The following NEK10 variants were observed in gnomAD, a reference collection of about 807,000 sequenced individuals.
NEK10 encodes NIMA related kinase 10, also known as serine/threonine-protein kinase Nek10.
Under a neutral mutation model 159.8 loss-of-function variants are expected in NEK10, and 122 were observed. The observed-to-expected ratio is 0.76, with a 90% CI of 0.66 to 0.89. The LOEUF (loss-of-function observed/expected upper bound fraction) is 0.89, where lower values mean the gene tolerates loss of function less well. Among genes scored for constraint, NEK10 ranks in the 40% least tolerant of loss-of-function variants. The pLI is 0.00. For synonymous variants in NEK10, 466 were observed against 457.1 expected, an observed-to-expected ratio of 1.02 and a Z score of -0.25; for missense variants, 1,342 against 1,323.1, an observed-to-expected ratio of 1.01 and a Z score of -0.22.
chr3:27,305,088 G>T (rs2149558052), intron 11 of NEK10, 117 bp from the exon 12 acceptor site: 1 of 673,288 alleles, frequency 1.5e-6, no homozygotes, highest in East Asian at 2.7e-5. Flanking sequence ...TGTAAGTCAT[G>T]GGTCAATGTG....
At chr3:27,120,920 G>T (rs1941217061) in intron 32 of NEK10, among the ~76,000 whole-genome samples, 1 of 152,078 alleles carries the variant, frequency 6.6e-6, no homozygotes, top group African/African-American at 2.4e-5. Flanking sequence ...CAGAAAAAAT[G>T]GCATAATTTG....
intron 6 of NEK10, 90 bp from the exon 7 acceptor site, chr3:27,314,428 T>C (rs2044986306): frequency 3.8e-6 from 3 of 779,934 alleles, no homozygotes; most frequent in East Asian, 2.7e-5. Flanking sequence ...TAAGTTGTCA[T>C]ATTTATAATT....
At chr3:27,260,416 G>A (rs1157246590) in intron 22 of NEK10, among the ~76,000 whole-genome samples, 6 of 152,162 alleles carry the variant, frequency 3.9e-5, no homozygotes, top group African/African-American at 1.4e-4. Context: ...TTTATTGAGA[G>A]TTTTTAGCAT....
intron 22 of NEK10, among the ~76,000 whole-genome samples, chr3:27,272,317 C>T (rs2041429766): frequency 6.6e-6 from 1 of 152,150 alleles, no homozygotes; most frequent in Admixed American, 6.5e-5. Context: ...CCCAGTCAAC[C>T]AGATGGCATC....
Position 27,174,746 on chromosome 3 carries a change from G to T in NEK10, c.2593C>A (p.Pro865Thr). The change falls in exon 27 of 36, where the codon CCT becomes ACT. Residue 865 changes from proline to threonine, a missense_variant. Transcript: ENST00000691995. Reference sequence around the variant, plus strand: ...CCATAGGAGGCCTGGAAGCCTTCAGGGGGCAGGTCTGCGCTTTCTGAAAGT... The same window carrying T: ...CCATAGGAGGCCTGGAAGCCTTCAGTGGGCAGGTCTGCGCTTTCTGAAAGT... ...SELSESADLPPEGFQASYGKD... is the reference protein window; with the variant it reads ...SELSESADLPTEGFQASYGKD... The T allele has an allele frequency of 6.2e-7, 1 of 1,613,618 alleles. No homozygotes were observed. The highest frequency in any genetic ancestry group is 1.7e-5 in the Admixed American group (1 of 59,940).
chr3:27,259,795 T>C (rs1189463597), intron 22 of NEK10, among the ~76,000 whole-genome samples: 1 of 152,208 alleles, frequency 6.6e-6, no homozygotes, highest in African/African-American at 2.4e-5. Context: ...ATTGAACCTA[T>C]AAATTACCTT....
intron 29 of NEK10, among the ~76,000 whole-genome samples, chr3:27,170,765 T>C (rs1946909512): frequency 6.6e-6 from 1 of 152,028 alleles, no homozygotes; most frequent in Non-Finnish European, 1.5e-5. Flanking sequence ...TAAAGTATAT[T>C]TCTTCCTTAA....
chr3:27,143,347 T>A, intron 30 of NEK10: 2 of 594,090 alleles, frequency 3.4e-6, no homozygotes, highest in Non-Finnish European at 6.0e-6. Context: ...AGTTTATAGA[T>A]TCATAGATTT....
chr3:27,170,530 GAT>G (rs1457678175), intron 29 of NEK10, among the ~76,000 whole-genome samples: 2 of 152,088 alleles, frequency 1.3e-5, no homozygotes, highest in Non-Finnish European at 2.9e-5. Context: ...TCAGGAGTTC[GAT>G]ACCAGCCTGG....
intron 23 of NEK10, among the ~76,000 whole-genome samples, chr3:27,251,266 C>T (rs1425374321): frequency 6.6e-6 from 1 of 152,166 alleles, no homozygotes; most frequent in Non-Finnish European, 1.5e-5. Flanking sequence ...CTGTCAATAC[C>T]ATGGTCTTTT....
intron 23 of NEK10, among the ~76,000 whole-genome samples, chr3:27,218,105 G>A (rs1951712251): frequency 1.3e-5 from 2 of 152,226 alleles, no homozygotes; most frequent in Non-Finnish European, 2.9e-5. Flanking sequence ...TGACTACTGT[G>A]TAGATAGAGC....
chr3:27,218,060 C>T (rs188507518), intron 23 of NEK10, among the ~76,000 whole-genome samples: 187 of 152,252 alleles, frequency 1.2e-3, no homozygotes, highest in Non-Finnish European at 2.2e-3. Flanking sequence ...CACTGAGATA[C>T]CATGACAGTT....
chr3:27,256,814 T>C (rs941038464), intron 22 of NEK10, among the ~76,000 whole-genome samples: 1 of 152,060 alleles, frequency 6.6e-6, no homozygotes, highest in South Asian at 2.1e-4. Flanking sequence ...ATCAACAACA[T>C]ATTCTGATTT....
At chr3:27,313,517 G>A (rs1055347609) in intron 7 of NEK10, among the ~76,000 whole-genome samples, 3 of 151,984 alleles carry the variant, frequency 2.0e-5, no homozygotes, top group Non-Finnish European at 2.9e-5. Flanking sequence ...ATCTTGCCAG[G>A]CCCAGTGGCA....
intron 23 of NEK10, among the ~76,000 whole-genome samples, chr3:27,219,086 A>C (rs1951840681): frequency 6.6e-6 from 1 of 152,240 alleles, no homozygotes; most frequent in South Asian, 2.1e-4. Flanking sequence ...CTGCCTCTTT[A>C]AAATGAACTC....
At chr3:27,113,435 CAAAAAAAAAA>C (rs3034425) in intron 35 of NEK10, among the ~76,000 whole-genome samples, 2 of 81,514 alleles carry the variant, frequency 2.5e-5, no homozygotes, top group South Asian at 5.6e-4. Flanking sequence ...GATTCCATCT[CAAAAAAAAAA>C]AAAAAAAAAA....
chr3:27,204,275 CT>C (rs1203026508), intron 23 of NEK10, among the ~76,000 whole-genome samples: 8,931 of 64,464 alleles, frequency 0.14, 432 homozygotes, highest in African/African-American at 0.31. Flanking sequence ...GATAAATTTT[CT>C]TTTTTTTTTT....
intron 22 of NEK10, among the ~76,000 whole-genome samples, chr3:27,278,037 A>C (rs1326285948): frequency 6.6e-6 from 1 of 152,238 alleles, no homozygotes; most frequent in African/African-American, 2.4e-5. Flanking sequence ...GGCTTTGCCT[A>C]AATGGAACAA....
At chr3:27,207,508 C>G (rs1157820234) in intron 23 of NEK10, among the ~76,000 whole-genome samples, 1 of 152,050 alleles carries the variant, frequency 6.6e-6, no homozygotes, top group Non-Finnish European at 1.5e-5. Context: ...GTTTGGGACA[C>G]AGTGAGGGCT....
Sources: allele counts gnomAD v4.1 joint callset (sites outside exome capture counted in the v4.1 genomes callset), GRCh38; gene constraint gnomAD v4.1.1; transcripts MANE v1.5; gene names NCBI Gene and HGNC (gene_info 2026-07-23, HGNC 2026-07-21).